Variants in SUPT3H observed in about 807,000 individuals in gnomAD.
SUPT3H encodes transcription initiation protein SPT3 homolog.
A neutral mutation model predicts 44.3 loss-of-function variants in SUPT3H; 44 were observed. That is an observed-to-expected ratio of 0.99 (90% CI 0.78 to 1.28). The LOEUF is 1.28. SUPT3H is among the 50% of genes most tolerant of loss of function. The pLI is 0.00. For synonymous variants in SUPT3H, 124 were observed against 125.6 expected (o/e 0.99, Z 0.09); for missense variants, 380 against 387.1 (o/e 0.98, Z 0.15).
At chr6:45,175,710 A>T (rs1478526699) in intron 2 of SUPT3H, among the ~76,000 whole-genome samples, 1 of 96,870 alleles carries the variant, frequency 1.0e-5, no homozygotes, top group Non-Finnish European at 2.0e-5. Context: ...CTCAAGTGAT[A>T]TTAAAAAAAA....
chr6:45,179,595 A>T (rs2153612325), intron 2 of SUPT3H, among the ~76,000 whole-genome samples: 1 of 152,312 alleles, frequency 6.6e-6, no homozygotes, highest in Middle Eastern at 3.4e-3. Context: ...AATAAATGTA[A>T]TCCAGCATAT....
intron 2 of SUPT3H, among the ~76,000 whole-genome samples, chr6:45,160,730 T>A (rs573395652): frequency 6.6e-6 from 1 of 151,878 alleles, no homozygotes; most frequent in South Asian, 2.1e-4. Context: ...ACAAAAGAAA[T>A]ACAATATGTA....
At chr6:45,221,707 T>C (rs1766092462) in intron 2 of SUPT3H, among the ~76,000 whole-genome samples, 1 of 152,312 alleles carries the variant, frequency 6.6e-6, no homozygotes, top group Admixed American at 6.5e-5. Flanking sequence ...ATCAAGGTTT[T>C]TTCTTTTTGT....
At chr6:45,149,760 CTT>C (rs1322839445) in intron 2 of SUPT3H, among the ~76,000 whole-genome samples, 1 of 152,044 alleles carries the variant, frequency 6.6e-6, no homozygotes, top group Non-Finnish European at 1.5e-5. Flanking sequence ...GACAAAAAAA[CTT>C]TAAAAAAAAT....
rs115699441 is a variant in SUPT3H, at chr6:45,273,471, T to C, written c.101+91730A>G. ...TTGGGCAGAATTCATGTTGCTCTTT[T>C]CAAATGGATGTCTTATCCATCTTAG... On this transcript the variant is annotated intron_variant, in intron 2 of 10. Transcript: ENST00000371459. Among the ~76,000 whole-genome samples, 1,052 of 152,320 alleles carry C rather than the reference T, an allele frequency of 6.9e-3. 7 individuals are homozygous for C. The highest frequency in any genetic ancestry group is 0.012 in the Non-Finnish European group (794 of 68,028).
chr6:44,965,301 T>C (rs1582797157), intron 6 of SUPT3H, among the ~76,000 whole-genome samples: 1 of 152,228 alleles, frequency 6.6e-6, no homozygotes, highest in South Asian at 2.1e-4. Flanking sequence ...CCTAGGCTGG[T>C]ATCTGCTACC....
At chr6:45,255,477 G>A (rs893760910) in intron 2 of SUPT3H, among the ~76,000 whole-genome samples, 9 of 143,766 alleles carry the variant, frequency 6.3e-5, no homozygotes, top group Non-Finnish European at 1.1e-4. Context: ...GCTGGAATGC[G>A]GTGGCAAAAT....
chr6:45,303,931 T>A (rs1371804250), intron 2 of SUPT3H, among the ~76,000 whole-genome samples: 4 of 150,788 alleles, frequency 2.7e-5, no homozygotes, highest in Admixed American at 1.3e-4. Flanking sequence ...AGGGGGAGGT[T>A]GCACCACTGC....
chr6:44,814,244 A>G (rs1282051912), intron 11 of SUPT3H, among the ~76,000 whole-genome samples: 1 of 152,198 alleles, frequency 6.6e-6, no homozygotes. Context: ...ATAGGATACA[A>G]TTGAAAACGA....
chr6:45,080,024 G>T (rs1003173524), intron 3 of SUPT3H, among the ~76,000 whole-genome samples: 1 of 152,026 alleles, frequency 6.6e-6, no homozygotes, highest in African/African-American at 2.4e-5. Context: ...CCACAAAATG[G>T]GAGAAAATAT....
At chr6:45,283,051 C>A (rs989724606) in intron 2 of SUPT3H, among the ~76,000 whole-genome samples, 2 of 152,106 alleles carry the variant, frequency 1.3e-5, no homozygotes, top group Non-Finnish European at 2.9e-5. Context: ...ATTTTGTCAC[C>A]ACCAGGCCTG....
chr6:45,175,331 G>A (rs116240337), intron 2 of SUPT3H, among the ~76,000 whole-genome samples: 4,647 of 152,204 alleles, frequency 0.031, 88 homozygotes, highest in Non-Finnish European at 0.047. Flanking sequence ...GGCTGGGGAG[G>A]CCGCAGGAAA....
At chr6:45,197,596 G>A (rs1205840000) in intron 2 of SUPT3H, 3 of 308,626 alleles carry the variant, frequency 9.7e-6, no homozygotes, top group Non-Finnish European at 1.9e-5. Context: ...ACAAAATTAA[G>A]GTAAACTATG....
intron 2 of SUPT3H, among the ~76,000 whole-genome samples, chr6:45,243,428 G>A (rs1194916988): frequency 1.3e-5 from 2 of 151,714 alleles, no homozygotes; most frequent in East Asian, 1.9e-4. Flanking sequence ...CAAAAACACA[G>A]AAAAATTACT....
chr6:45,341,859 T>C (rs1581723451), intron 2 of SUPT3H, among the ~76,000 whole-genome samples: 1 of 152,274 alleles, frequency 6.6e-6, no homozygotes. Context: ...CCTACAATTA[T>C]TCACACTTAT....
At chr6:44,876,896 T>G (rs1777395829) in intron 10 of SUPT3H, among the ~76,000 whole-genome samples, 1 of 151,182 alleles carries the variant, frequency 6.6e-6, no homozygotes, top group South Asian at 2.1e-4. Flanking sequence ...AATTTTATCT[T>G]AAAAGAAAAA....
intron 6 of SUPT3H, 55 bp from the exon 7 acceptor site, chr6:44,961,883 T>A (rs1776084062): frequency 2.9e-6 from 4 of 1,361,544 alleles, no homozygotes; most frequent in Non-Finnish European, 3.1e-6. Context: ...TTATATATGT[T>A]TTCACAGCTT....
chr6:45,097,519 G>A (rs1797957270), intron 3 of SUPT3H: 1 of 152,236 alleles, frequency 6.6e-6, no homozygotes, highest in Non-Finnish European at 1.5e-5. Context: ...GGCTGTGAGA[G>A]GCTTCCAGCC....
chr6:45,358,544 T>C (rs1793654542), intron 2 of SUPT3H, among the ~76,000 whole-genome samples: 2 of 152,196 alleles, frequency 1.3e-5, no homozygotes, highest in Non-Finnish European at 2.9e-5. Flanking sequence ...AGTATGTTGA[T>C]GATGATATTT....
Sources: allele counts gnomAD v4.1 joint callset (sites outside exome capture counted in the v4.1 genomes callset), GRCh38; gene constraint gnomAD v4.1.1; transcripts MANE v1.5; gene names NCBI Gene and HGNC (gene_info 2026-07-23, HGNC 2026-07-21).